BRCC3: variants seen among roughly 807,000 people sequenced by gnomAD.
BRCC3 encodes the protein BRCA1/BRCA2-containing complex subunit 3, also known as lys-63-specific deubiquitinase BRCC36.
A neutral mutation model predicts 28.0 loss-of-function variants in BRCC3; 15 were observed. The ratio of observed to expected loss-of-function variants is 0.54; its 90% CI spans 0.36 to 0.82. The LOEUF (loss-of-function observed/expected upper bound fraction) is 0.82, where lower values mean the gene tolerates loss of function less well. Among genes scored for constraint, BRCC3 ranks in the 40% least tolerant of loss-of-function variants. BRCC3 has a pLI of 0.01. For synonymous variants in BRCC3, 66 were observed against 80.3 expected (o/e 0.82, Z 0.95); for missense variants, 109 against 225.9 (o/e 0.48, Z 3.32).
At chrX:155,102,872 T>G (rs868958090) in intron 7 of BRCC3, among the ~76,000 whole-genome samples, 5 of 112,192 alleles carry the variant, frequency 4.5e-5, no homozygotes, top group African/African-American at 1.3e-4. Flanking sequence ...AGTGGTTGCT[T>G]TAGGGTTTTT....
At chrX:155,079,881 C>T (rs922855746) in intron 5 of BRCC3, among the ~76,000 whole-genome samples, 1 of 111,260 alleles carries the variant, frequency 9.0e-6, no homozygotes, top group Admixed American at 9.6e-5. Context: ...TTTACCCCTA[C>T]TCTTCACTAT....
intron 7 of BRCC3, among the ~76,000 whole-genome samples, chrX:155,115,659 G>A (rs782483690): frequency 1.8e-5 from 2 of 112,396 alleles, no homozygotes; most frequent in Non-Finnish European, 3.8e-5. Flanking sequence ...TGGAGTCATT[G>A]AAGAGTCTGT....
At chrX:155,075,704 C>T (rs1004833100) in intron 3 of BRCC3, among the ~76,000 whole-genome samples, 23 of 112,526 alleles carry the variant, frequency 2.0e-4, no homozygotes, top group African/African-American at 6.1e-4. Context: ...TCTCTGCCAT[C>T]TGCTTAGCCC....
chrX:155,102,881 T>C (rs1557297034), intron 7 of BRCC3, among the ~76,000 whole-genome samples: 2 of 112,197 alleles, frequency 1.8e-5, no homozygotes. Context: ...TTTAGGGTTT[T>C]TCACAGGGTC....
At chrX:155,118,606 G>T (rs1194303427) in intron 9 of BRCC3, among the ~76,000 whole-genome samples, 2 of 112,610 alleles carry the variant, frequency 1.8e-5, no homozygotes, top group Non-Finnish European at 3.7e-5. Context: ...CATGGTGCTG[G>T]CACCTGCATT....
At chrX:155,086,775 G>C (rs1202784444) in intron 5 of BRCC3, among the ~76,000 whole-genome samples, 1 of 111,929 alleles carries the variant, frequency 8.9e-6, no homozygotes, top group Non-Finnish European at 1.9e-5. Flanking sequence ...GGCTCTGAAG[G>C]TTCACTCCAC....
intron 7 of BRCC3, among the ~76,000 whole-genome samples, chrX:155,104,905 G>A (rs1300484517): frequency 4.4e-5 from 5 of 112,709 alleles, no homozygotes; most frequent in Admixed American, 3.7e-4. Flanking sequence ...GCCTAAGAGT[G>A]TATACTCAAA....
chrX:155,115,976 A>C (rs2074352203), intron 7 of BRCC3, 81 bp from the exon 8 acceptor site: 16 of 994,011 alleles, frequency 1.6e-5, no homozygotes, highest in Non-Finnish European at 1.7e-5. Context: ...CCATATCCCA[A>C]ACTTCCAATT....
intron 3 of BRCC3, among the ~76,000 whole-genome samples, chrX:155,076,198 G>C (rs2074040937): frequency 1.8e-5 from 2 of 111,204 alleles, no homozygotes; most frequent in South Asian, 3.8e-4. Context: ...GAAGTCAGGA[G>C]TTTGAGACCA....
intron 7 of BRCC3, among the ~76,000 whole-genome samples, chrX:155,113,119 C>CTTTT (rs35621321): frequency 3.5e-3 from 107 of 30,830 alleles, no homozygotes; most frequent in South Asian, 4.5e-3. Context: ...GGCTTGCTTG[C>CTTTT]TTTTTTTTTT....
intron 7 of BRCC3, among the ~76,000 whole-genome samples, chrX:155,100,897 A>ATT (rs1163033196): frequency 9.6e-6 from 1 of 103,641 alleles, no homozygotes. Context: ...CAGTATAATA[A>ATT]TTTTTTTTTT....
chrX:155,085,135 A>AACGAG (rs1296561246), intron 5 of BRCC3, among the ~76,000 whole-genome samples: 1 of 112,550 alleles, frequency 8.9e-6, no homozygotes, highest in Non-Finnish European at 1.9e-5. Context: ...CCTAAAAGGA[A>AACGAG]ATGAGAAGGC....
chrX:155,116,708 T>C lies in BRCC3; in HGVS notation c.681-3T>C. The C allele has an allele frequency of 8.5e-7, 1 of 1,172,808 alleles. No individual in the cohort carries two copies. Among genetic ancestry groups the C allele is most frequent in the Non-Finnish European group, 1.2e-6 (1 of 869,334 alleles). Reference sequence around the variant, plus strand: ...CACTAACCTAAACTATTTTATTCTTTAGCCTTACACATCTGGACTCAGTAA... The same window carrying C: ...CACTAACCTAAACTATTTTATTCTTCAGCCTTACACATCTGGACTCAGTAA... On this transcript the variant is annotated splice_region_variant and splice_polypyrimidine_tract_variant and intron_variant, in intron 8 of 10. Transcript: ENST00000330045.
At chrX:155,072,120 A>G (rs1175158232) in intron 1 of BRCC3, among the ~76,000 whole-genome samples, 1 of 112,157 alleles carries the variant, frequency 8.9e-6, no homozygotes, top group African/African-American at 3.2e-5. Context: ...CGGGGCTTGA[A>G]GGAAGCAAAA....
chrX:155,072,359 T>G lies in BRCC3; in HGVS notation c.140+16T>G. 2 of 1,170,561 alleles carry G rather than the reference T, an allele frequency of 1.7e-6. No individual in the cohort carries two copies. The highest frequency in any genetic ancestry group is 2.3e-6 in the Non-Finnish European group (2 of 859,829). On this transcript the variant is annotated intron_variant, in intron 2 of 10. Coordinates refer to ENST00000330045, the MANE Select transcript of BRCC3 (RefSeq NM_001018055.3). ...ATGATACAAGGTAAGACTGTATTTG[T>G]TTACTCATATCTTATAATCTCTAAG...
intron 3 of BRCC3, among the ~76,000 whole-genome samples, chrX:155,074,472 T>C (rs1366365655): frequency 9.0e-6 from 1 of 111,724 alleles, no homozygotes; most frequent in Admixed American, 9.5e-5. Context: ...GAGTTTTTGT[T>C]GGTTTTGTTG....
intron 6 of BRCC3, 124 bp from the exon 7 acceptor site, chrX:155,090,660 T>C (rs2074168183): frequency 1.9e-6 from 1 of 517,279 alleles, no homozygotes; most frequent in Non-Finnish European, 3.3e-6. Flanking sequence ...TAGAAATTAA[T>C]TTATGGCATA....
intron 1 of BRCC3, 125 bp downstream of exon 1, chrX:155,071,775 CCT>C: frequency 2.5e-6 from 2 of 789,213 alleles, no homozygotes; most frequent in Non-Finnish European, 3.6e-6. Context: ...CCTTGGACAC[CCT>C]TTACATAGCT....
rs139614178 is a variant in BRCC3 at position 155,076,373 on chromosome X, A to G, written c.196-797A>G. Among the ~76,000 whole-genome samples, 114 of 110,764 alleles carry G rather than the reference A, an allele frequency of 1.0e-3. 1 individual carries two copies. In the East Asian group the frequency reaches 0.028, roughly 28 times the overall value. On this transcript the variant is annotated intron_variant, in intron 3 of 10. Transcript: ENST00000330045. ...TACTGCACTCCAGCCTGGGCGACAG[A>G]CTGAGACTGTGTCAAAAACAAAAAA... is the stretch of plus-strand genomic sequence containing the variant.
Sources: allele counts gnomAD v4.1 joint callset (sites outside exome capture counted in the v4.1 genomes callset), GRCh38; gene constraint gnomAD v4.1.1; transcripts MANE v1.5; gene names NCBI Gene and HGNC (gene_info 2026-07-23, HGNC 2026-07-21).